NAV3: variants seen among roughly 807,000 people sequenced by gnomAD.
NAV3 encodes pore membrane and/or filament interacting like protein 1.
A neutral mutation model predicts 244.7 loss-of-function variants in NAV3; 87 were observed. The ratio of observed to expected loss-of-function variants is 0.36; its 90% confidence interval spans 0.30 to 0.42. NAV3 has a LOEUF of 0.42. NAV3 is among the 20% of genes least tolerant of loss of function. The probability of loss-of-function intolerance (pLI) is 1.00; values close to 1 mark genes in which losing one functional copy is unlikely to be tolerated. For missense variants in NAV3, 2,663 were observed against 2,893.3 expected (o/e 0.92, Z 1.83); for synonymous variants, 1,126 against 1,042.2 (o/e 1.08, Z -1.55).
intron 2 of NAV3, among the ~76,000 whole-genome samples, chr12:77,653,838 A>C (rs1311095945): frequency 1.3e-5 from 2 of 152,202 alleles, no homozygotes; most frequent in Non-Finnish European, 2.9e-5. Context: ...ACATACACAC[A>C]TATTTGTTTT....
At chr12:77,748,230 G>T (rs1204619820) in intron 2 of NAV3, among the ~76,000 whole-genome samples, 3 of 152,068 alleles carry the variant, frequency 2.0e-5, no homozygotes, top group Non-Finnish European at 2.9e-5. Flanking sequence ...ATTTTTGGTG[G>T]AAAATTATAT....
intron 3 of NAV3, among the ~76,000 whole-genome samples, chr12:77,963,425 G>A (rs924246889): frequency 6.6e-6 from 1 of 152,100 alleles, no homozygotes; most frequent in African/African-American, 2.4e-5. Context: ...ACTGTAAAAT[G>A]TATAGCCTAG....
At chr12:78,149,052 A>T in intron 22 of NAV3, 133 bp downstream of exon 22, 1 of 741,842 alleles carries the variant, frequency 1.3e-6, no homozygotes, top group Non-Finnish European at 2.2e-6. Flanking sequence ...ACTCATAAAA[A>T]GTTAACATTT....
chr12:78,159,424 G>A (rs1226859460), intron 23 of NAV3, 138 bp downstream of exon 23: 2 of 718,572 alleles, frequency 2.8e-6, no homozygotes, highest in Non-Finnish European at 4.4e-6. Context: ...ACCACTTTGG[G>A]AGACCAAGGT....
Position 78,122,301 on chromosome 12 carries a change from A to T in NAV3, c.4111A>T (p.Thr1371Ser), listed in dbSNP as rs757266325. ...PSYQSMTSLH[T>S]SSESIDLPLS... The stretch of plus-strand genomic sequence containing the variant: ...CTACCAGTCCATGACTAGCCTCCAC[A>T]CGAGCTCTGAGTCCATTGACCTCCC... The change falls in exon 16 of 40, where the codon ACG (threonine) becomes TCG (serine). Residue 1371 changes from threonine to serine, a missense_variant. By Grantham distance (58) the Thr-to-Ser change is moderately conservative (BLOSUM62 1). Transcript: ENST00000397909. The T allele has an allele frequency of 6.2e-7, 1 of 1,614,096 alleles. No individual in the cohort carries two copies. The highest frequency in any genetic ancestry group is 1.1e-5 in the South Asian group (1 of 91,058).
chr12:78,006,899 A>G lies in NAV3; in HGVS notation c.1361A>G (p.Lys454Arg). Residue 454 changes from lysine (K) to arginine (R), a missense_variant, in exon 8 of 40, where the codon AAA (lysine) becomes AGA (arginine). Lys to Arg is a conservative substitution (Grantham distance 26). Around this residue, in one of 6 missense-constraint regions of NAV3, gnomAD observed 1,521 missense variants for 1,497.0 expected, o/e 1.02. Transcript: ENST00000397909. ...TTGGCCCCTCCAAAAGCTGGAAGCAAAAATCTCAGCAATAAAAAGTCTTTG... is the reference window on the plus strand; with the variant it reads ...TTGGCCCCTCCAAAAGCTGGAAGCAGAAATCTCAGCAATAAAAAGTCTTTG... The part of the protein sequence containing the change: ...PKLAPPKAGS[K>R]NLSNKKSLLQ... 1 of 1,614,148 alleles carries G rather than the reference A, an allele frequency of 6.2e-7. No individual in the cohort carries two copies.
At chr12:77,705,318 G>A (rs543500476) in intron 2 of NAV3, among the ~76,000 whole-genome samples, 3 of 149,104 alleles carry the variant, frequency 2.0e-5, no homozygotes, top group Non-Finnish European at 2.9e-5. Flanking sequence ...TATTTGGGAG[G>A]CTGAGGCACA....
chr12:78,042,280 A>G (rs1880995248), intron 9 of NAV3, among the ~76,000 whole-genome samples: 1 of 152,188 alleles, frequency 6.6e-6, no homozygotes, highest in Non-Finnish European at 1.5e-5. Flanking sequence ...ATAGGTGGTG[A>G]TTGTATCAGG....
chr12:78,060,224 A>G (rs1157231853), intron 12 of NAV3, among the ~76,000 whole-genome samples: 2 of 152,326 alleles, frequency 1.3e-5, no homozygotes, highest in South Asian at 2.1e-4. Flanking sequence ...TGAAAAAGAC[A>G]AAAGGTTAAG....
At chr12:77,670,340 T>A (rs1873912207) in intron 2 of NAV3, among the ~76,000 whole-genome samples, 3 of 152,170 alleles carry the variant, frequency 2.0e-5, no homozygotes, top group Admixed American at 6.6e-5. Context: ...ACTAGATGGA[T>A]TTACAGCTGA....
intron 2 of NAV3, among the ~76,000 whole-genome samples, chr12:77,639,493 A>G (rs1450456261): frequency 6.6e-6 from 1 of 152,212 alleles, no homozygotes; most frequent in Non-Finnish European, 1.5e-5. Flanking sequence ...TGTAAATTGT[A>G]TGAGAACAGA....
Position 77,998,354 on chromosome 12 carries a change from G to A in NAV3, c.758G>A (p.Arg253Lys). Residue 253 changes from arginine to lysine, a missense_variant, in exon 7 of 40, where the codon AGG becomes AAG. By Grantham distance (26) the Arg-to-Lys change is conservative. Around this residue, in one of 6 missense-constraint regions of NAV3, gnomAD observed 1,521 missense variants for 1,497.0 expected, o/e 1.02. Coordinates refer to ENST00000397909, the MANE Select transcript of NAV3 (RefSeq NM_001024383.2). ...TATTTCAGGCTTCCAGGGCCCTCTA[G>A]GGTGCCTGCTGCAGGAAGCAGCAGC... The part of the protein sequence containing the change: ...KKPTRLPGPS[R>K]VPAAGSSSKV... 6.3e-7 allele frequency: 1 copy of A among 1,592,230 alleles called. No individual in the cohort carries two copies. Among genetic ancestry groups the A allele is most frequent in the Non-Finnish European group, 8.5e-7 (1 of 1,170,666 alleles).
intron 2 of NAV3, among the ~76,000 whole-genome samples, chr12:77,720,171 C>G (rs1016018478): frequency 5.3e-5 from 8 of 151,776 alleles, no homozygotes; most frequent in Non-Finnish European, 1.2e-4. Flanking sequence ...CTCTCTCTCT[C>G]TCTCTCTCTT....
intron 3 of NAV3, among the ~76,000 whole-genome samples, chr12:77,945,754 T>C (rs1285600640): frequency 1.3e-5 from 2 of 151,970 alleles, no homozygotes; most frequent in East Asian, 1.9e-4. Flanking sequence ...TTTATTATTA[T>C]TATTATTTTT....
chr12:78,210,261 TA>T, intron 39 of NAV3, 136 bp from the exon 40 acceptor site: 1 of 1,377,966 alleles, frequency 7.3e-7, no homozygotes, highest in Non-Finnish European at 9.9e-7. Flanking sequence ...GGGCAACGAG[TA>T]AAAATCTAAA....
intron 2 of NAV3, among the ~76,000 whole-genome samples, chr12:77,772,191 C>A (rs1270913722): frequency 6.6e-6 from 1 of 152,056 alleles, no homozygotes; most frequent in East Asian, 1.9e-4. Context: ...TAATGAGGGA[C>A]AACGCTAGTA....
Position 77,739,201 on chromosome 12 carries a change from T to C in NAV3, c.72+166935T>C, listed in dbSNP as rs1472109383. On this transcript the variant is annotated intron_variant, in intron 2 of 8. Transcript: ENST00000550042. Reference sequence around the variant, plus strand: ...AAGAGTTGTTGTGAGTATTAAAAGATATGATTTAAAATACTGCCTACTACA... The same window carrying C: ...AAGAGTTGTTGTGAGTATTAAAAGACATGATTTAAAATACTGCCTACTACA... Among the ~76,000 whole-genome samples, 5 of 152,070 alleles carry C rather than the reference T, an allele frequency of 3.3e-5. No homozygotes were observed. In the South Asian group the frequency reaches 6.2e-4, roughly 19 times the overall value.
At chr12:77,990,475 C>A (rs1319017756) in intron 5 of NAV3, among the ~76,000 whole-genome samples, 1 of 152,086 alleles carries the variant, frequency 6.6e-6, no homozygotes, top group Non-Finnish European at 1.5e-5. Flanking sequence ...ATCTAAGAGG[C>A]CTGATGGTCA....
At chr12:77,998,310 G>T (rs1593234770) in intron 6 of NAV3, 27 bp from the exon 7 acceptor site, 3 of 1,528,482 alleles carry the variant, frequency 2.0e-6, no homozygotes, top group South Asian at 1.3e-5. Flanking sequence ...GTACAATAAT[G>T]ATGTAATTTT....
Sources: gnomAD v4.1 joint callset for allele counts (sites outside exome capture counted in the v4.1 genomes callset) on GRCh38, gnomAD v4.1.1 for gene constraint, gnomAD v4.1.1 regional missense constraint, MANE v1.5 for transcripts, NCBI Gene and HGNC (gene_info 2026-07-23, HGNC 2026-07-21) for gene names.